MYT1: variants seen among roughly 807,000 people sequenced by gnomAD.
The protein encoded by MYT1 is myelin transcription factor I.
MYT1 carries 23 observed loss-of-function variants against 123.0 expected under a neutral mutation model. The observed-to-expected ratio is 0.19, with a 90% confidence interval of 0.13 to 0.26. The LOEUF (loss-of-function observed/expected upper bound fraction) is 0.26, where lower values mean the gene tolerates loss of function less well. Among genes scored for constraint, MYT1 ranks in the 10% least tolerant of loss-of-function variants. The pLI, the probability that MYT1 is intolerant of heterozygous loss-of-function variation, is 1.00. For synonymous variants in MYT1, 518 were observed against 575.3 expected (o/e 0.90, Z 1.43); for missense variants, 1,125 against 1,472.5 (o/e 0.76, Z 3.86).
chr20:64,204,698 G>A (rs1983428370), intron 4 of MYT1, among the ~76,000 whole-genome samples: 1 of 152,226 alleles, frequency 6.6e-6, no homozygotes, highest in South Asian at 2.1e-4. Flanking sequence ...TTAGAGAGGG[G>A]TGCCGTGTTC....
chr20:64,173,479 AGC>A (rs1186726338), intron 1 of MYT1, among the ~76,000 whole-genome samples: 4 of 145,986 alleles, frequency 2.7e-5, no homozygotes, highest in Non-Finnish European at 6.0e-5. Context: ...CTCCTCCTGC[AGC>A]ATCCTTCCCT....
intron 1 of MYT1, among the ~76,000 whole-genome samples, chr20:64,169,544 A>T (rs1179710834): frequency 1.3e-5 from 2 of 152,114 alleles, no homozygotes; most frequent in African/African-American, 4.8e-5. Context: ...TCCCAGGATA[A>T]CTGCCGTCCC....
chr20:64,215,122 C>T (rs1983797680), intron 10 of MYT1, among the ~76,000 whole-genome samples: 1 of 152,192 alleles, frequency 6.6e-6, no homozygotes, highest in South Asian at 2.1e-4. Flanking sequence ...TTTGCTGTTC[C>T]CTCCAGCTTC....
At chr20:64,205,991 T>C (rs1050182746) in intron 6 of MYT1, among the ~76,000 whole-genome samples, 191 bp downstream of exon 6, 1 of 152,100 alleles carries the variant, frequency 6.6e-6, no homozygotes, top group African/African-American at 2.4e-5. Flanking sequence ...GGGCCTGTGG[T>C]GTGTTTGTGT....
At chr20:64,206,230 C>T (rs546127300) in intron 6 of MYT1, among the ~76,000 whole-genome samples, 3 of 152,218 alleles carry the variant, frequency 2.0e-5, no homozygotes, top group Admixed American at 6.5e-5. Context: ...GAGAGGTCTG[C>T]GTTCCCCTGA....
In MYT1 at chr20:64,195,454, G is replaced by T. The variant is rs1601707815; in HGVS notation, c.1-3408G>T. ...TCTGTCGCCTAGGCTGGAGTGCAGT[G>T]GTGCAATCTCAGCTCACTGCAACCT... On this transcript the variant is annotated intron_variant, in intron 2 of 22. Transcript: ENST00000328439. 2.1e-5 allele frequency among the ~76,000 whole-genome samples: 3 copies of T among 143,822 alleles called. 1 individual carries two copies. 94.4% of individuals were successfully genotyped at this position (143,822 alleles called of 152,430 possible).
chr20:64,215,798 T>C (rs1170163529), intron 10 of MYT1, among the ~76,000 whole-genome samples: 5 of 151,280 alleles, frequency 3.3e-5, no homozygotes, highest in African/African-American at 4.9e-5. Context: ...AGGGTCTCAC[T>C]AGGTTGCCCA....
At position 64,208,701 on chromosome 20, in the gene MYT1, G is replaced by A. The variant is rs113056436; in HGVS notation, c.1291+214G>A. On this transcript the variant is annotated intron_variant, in intron 7 of 22. Transcript: ENST00000328439. This position sits in a 1 kb window ranked among gnomAD's most constrained non-coding sequence, Gnocchi z 5.4. ...AGAGCGATCTGGAGCGAGACACAGCGGAGACGTGTGAGAAAGAACCAGGTG... is the reference window on the plus strand; with the variant it reads ...AGAGCGATCTGGAGCGAGACACAGCAGAGACGTGTGAGAAAGAACCAGGTG... Among the ~76,000 whole-genome samples, 17 of 152,322 alleles carry A rather than the reference G, an allele frequency of 1.1e-4. No homozygotes were observed. Among genetic ancestry groups the A allele is most frequent in the African/African-American group, 2.6e-4 (11 of 41,560 alleles).
intron 1 of MYT1, among the ~76,000 whole-genome samples, chr20:64,172,874 A>G (rs1982329171): frequency 6.7e-6 from 1 of 148,994 alleles, no homozygotes; most frequent in African/African-American, 2.5e-5. Context: ...GGCCTCCTGC[A>G]TGTGCCACCA....
At chr20:64,222,340 C>T (rs1231794369) in intron 14 of MYT1, among the ~76,000 whole-genome samples, 1 of 152,238 alleles carries the variant, frequency 6.6e-6, no homozygotes, top group Non-Finnish European at 1.5e-5. Context: ...TGGAGGAGAG[C>T]TCCTCAGAGA....
rs1984584233 is a variant in MYT1 at position 64,237,396 on chromosome 20, T to A, written c.3093+6T>A. 1 of 1,597,034 alleles carries A rather than the reference T, an allele frequency of 6.3e-7. No individual in the cohort carries two copies. Among genetic ancestry groups the A allele is most frequent in the Non-Finnish European group, 8.5e-7 (1 of 1,172,654 alleles). On this transcript the variant is annotated splice_donor_region_variant and intron_variant, in intron 21 of 22. Coordinates refer to ENST00000328439, the MANE Select transcript of MYT1 (RefSeq NM_004535.3). ...TGGTGCAGCTGCAGTCCCAGGTAGG[T>A]GGTGCCGCCCCCCGCTCCTGGGCTC... is the stretch of plus-strand genomic sequence containing the variant.
Position 64,196,918 on chromosome 20 carries a change from A to G in MYT1, c.1-1944A>G, listed in dbSNP as rs1016771210. Among the ~76,000 whole-genome samples the G allele has an allele frequency of 2.0e-5, 3 of 152,236 alleles. No individual in the cohort carries two copies. Among genetic ancestry groups the G allele is most frequent in the Non-Finnish European group, 4.4e-5 (3 of 68,048 alleles). ...ATAAATAAATAAAGCCGTAGATTGC[A>G]TTTCAGCTGAGTGCAGGCACCGCAC... On this transcript the variant is annotated intron_variant, in intron 2 of 22. Transcript: ENST00000328439. The surrounding 1 kb of genome is among the most constrained non-coding windows in gnomAD (Gnocchi z 4.3).
At chr20:64,224,919 C>T (rs537259494) in intron 16 of MYT1, among the ~76,000 whole-genome samples, 54 of 152,278 alleles carry the variant, frequency 3.5e-4, no homozygotes, top group East Asian at 1.2e-3. Context: ...TGGCACAGTT[C>T]GGGCCTGGAG....
intron 1 of MYT1, among the ~76,000 whole-genome samples, chr20:64,187,323 G>A (rs1340766579): frequency 1.4e-5 from 2 of 147,140 alleles, no homozygotes; most frequent in Admixed American, 6.7e-5. Context: ...CGGCATCCAC[G>A]TTTCCGTGGA....
rs775578106 is a variant in MYT1, at chr20:64,220,000, G to A, written c.2241+18G>A. The A allele has an allele frequency of 1.2e-5, 18 of 1,450,324 alleles. No individual in the cohort carries two copies. The highest frequency in any genetic ancestry group is 1.5e-5 in the Non-Finnish European group (17 of 1,098,612). 89.8% of individuals were successfully genotyped at this position (1,450,324 alleles called of 1,614,324 possible). Reference sequence around the variant, plus strand: ...CTGAGGAGGTGGGTGCAGGCGCCTGGGCAAGCAGTCAGGCGGCTGCAGCCA... The same window carrying A: ...CTGAGGAGGTGGGTGCAGGCGCCTGAGCAAGCAGTCAGGCGGCTGCAGCCA... On this transcript the variant is annotated intron_variant, in intron 13 of 22. Transcript: ENST00000328439.
chr20:64,239,663 G>A, intron 21 of MYT1, 97 bp from the exon 22 acceptor site: 2 of 1,546,808 alleles, frequency 1.3e-6, no homozygotes, highest in Non-Finnish European at 1.8e-6. Flanking sequence ...CCAGGGTTCT[G>A]CATTCTCCCA....
chr20:64,240,213 C>T (rs930513472), intron 22 of MYT1, 107 bp from the exon 23 acceptor site: 33 of 1,496,484 alleles, frequency 2.2e-5, no homozygotes, highest in Non-Finnish European at 2.8e-5. Context: ...TTGGTGTGGG[C>T]TTGTCTCAGG....
chr20:64,172,506 G>C lies in MYT1; in HGVS notation c.-99+7767G>C, dbSNP rs190058605. ...CTCCTAGTGGAATTTTGTCTTCAAG[G>C]CCTCAGTAAAATGTGGTTTTAAGGC... On this transcript the variant is annotated intron_variant, in intron 1 of 22. Coordinates refer to ENST00000328439, the MANE Select transcript of MYT1 (RefSeq NM_004535.3). 1.6e-3 allele frequency among the ~76,000 whole-genome samples: 245 copies of C among 152,286 alleles called. 1 individual carries two copies. Among genetic ancestry groups the C allele is most frequent in the African/African-American group, 5.4e-3 (225 of 41,560 alleles).
intron 4 of MYT1, among the ~76,000 whole-genome samples, chr20:64,200,939 C>T (rs984685928): frequency 3.3e-5 from 5 of 152,142 alleles, no homozygotes; most frequent in African/African-American, 1.2e-4. Context: ...GGGGTCGGCT[C>T]CCTGGAAGGG....
Sources: allele counts gnomAD v4.1 joint callset (sites outside exome capture counted in the v4.1 genomes callset), GRCh38; gene constraint gnomAD v4.1.1; non-coding constraint Gnocchi (gnomAD v3.1); transcripts MANE v1.5; gene names NCBI Gene and HGNC (gene_info 2026-07-23, HGNC 2026-07-21).